Variants in COL5A1 observed in about 807,000 individuals in gnomAD.
COL5A1 encodes collagen alpha-1(V) chain.
Under a neutral mutation model 263.7 loss-of-function variants are expected in COL5A1, and 16 were observed. That is an observed-to-expected ratio of 0.06 (90% CI 0.04 to 0.09). The LOEUF is 0.09. Among genes scored for constraint, COL5A1 ranks in the 10% least tolerant of loss-of-function variants. The pLI is 1.00. For missense variants in COL5A1, 2,036 were observed against 2,540.5 expected (o/e 0.80, Z 4.27); for synonymous variants, 1,012 against 1,004.5 (o/e 1.01, Z -0.14).
At chr9:134,762,812 A>G (rs936925021) in intron 19 of COL5A1, among the ~76,000 whole-genome samples, 2 of 151,682 alleles carry the variant, frequency 1.3e-5, no homozygotes, top group Non-Finnish European at 2.9e-5. Flanking sequence ...GTCTGCTGTA[A>G]GATGAGGAAG....
At position 134,818,781 on chromosome 9, in the gene COL5A1, G is replaced by T; in HGVS notation, c.4338+18G>T. On this transcript the variant is annotated intron_variant, in intron 55 of 65. Coordinates refer to ENST00000371817, the MANE Select transcript of COL5A1 (RefSeq NM_000093.5). The surrounding 1 kb of genome is among the most constrained non-coding windows in gnomAD (Gnocchi z 6.0). ...GCCCTGTGGTGAGTAGGCTGTGAGG[G>T]GCAGAGGGGTTGCCGAGTGGAGGGA... 6.2e-7 allele frequency: 1 copy of T among 1,612,450 alleles called. No homozygotes were observed. Among genetic ancestry groups the T allele is most frequent in the Non-Finnish European group, 8.5e-7 (1 of 1,179,406 alleles).
chr9:134,840,264 G>T (rs1251338731), intron 65 of COL5A1, among the ~76,000 whole-genome samples: 2 of 152,200 alleles, frequency 1.3e-5, no homozygotes, highest in African/African-American at 4.8e-5. Flanking sequence ...TGAGCCAGCT[G>T]CAGTAACAGA....
At chr9:134,731,091 C>G (rs1484227071) in intron 7 of COL5A1, among the ~76,000 whole-genome samples, 1 of 152,226 alleles carries the variant, frequency 6.6e-6, no homozygotes, top group Non-Finnish European at 1.5e-5. Flanking sequence ...TAGCACATGG[C>G]CGATGCTTAA....
intron 4 of COL5A1, among the ~76,000 whole-genome samples, chr9:134,726,893 GGATA>G (rs1403914127): frequency 1.2e-4 from 18 of 151,114 alleles, no homozygotes; most frequent in African/African-American, 4.1e-4. Context: ...GTGAATGGAT[GGATA>G]GATGGATGGA....
In COL5A1 at chr9:134,705,890, A is replaced by G. The variant is rs542489461; in HGVS notation, c.654+4557A>G. 3.3e-5 allele frequency among the ~76,000 whole-genome samples: 5 copies of G among 152,334 alleles called. No homozygotes were observed. The South Asian group carries it at 8.3e-4, about 25-fold the overall frequency. On this transcript the variant is annotated intron_variant, in intron 4 of 65. Coordinates refer to ENST00000371817, the MANE Select transcript of COL5A1 (RefSeq NM_000093.5). ...GGCCTTCAGGAGGATGGAGCCGCTG[A>G]GAGGTCCATGGGGAAAGAACTGGCT...
At chr9:134,736,735 C>G (rs1443489225) in intron 9 of COL5A1, among the ~76,000 whole-genome samples, 1 of 152,250 alleles carries the variant, frequency 6.6e-6, no homozygotes, top group African/African-American at 2.4e-5. Context: ...AATTATCTAT[C>G]TTGAAGCAAA....
intron 14 of COL5A1, among the ~76,000 whole-genome samples, chr9:134,753,584 G>A (rs1360135816): frequency 6.6e-6 from 1 of 152,226 alleles, no homozygotes; most frequent in Non-Finnish European, 1.5e-5. Context: ...AACATCTCCA[G>A]GAGCTTTGTG....
intron 4 of COL5A1, among the ~76,000 whole-genome samples, chr9:134,712,341 C>T (rs1210117584): frequency 1.6e-5 from 1 of 64,324 alleles, no homozygotes; most frequent in Admixed American, 1.5e-4. Flanking sequence ...CTCCCTCCTG[C>T]CCCTCTTCTT....
chr9:134,826,932 A>G (rs1839306012), intron 63 of COL5A1, among the ~76,000 whole-genome samples: 1 of 152,128 alleles, frequency 6.6e-6, no homozygotes, highest in Non-Finnish European at 1.5e-5. Context: ...CTATCCCTCA[A>G]GCATGCACCT....
intron 4 of COL5A1, chr9:134,708,956 C>G (rs1323953199): frequency 2.2e-6 from 1 of 456,678 alleles, no homozygotes. Flanking sequence ...TCCGTCTTTA[C>G]ACAGCCTCTC....
At chr9:134,810,442 G>A (rs1255801155) in intron 44 of COL5A1, 134 bp downstream of exon 44, 20 of 806,666 alleles carry the variant, frequency 2.5e-5, no homozygotes, top group South Asian at 9.8e-5. Context: ...AAAATCTCCC[G>A]TGCATGTGTG....
Position 134,758,528 on chromosome 9 carries a change from G to A in COL5A1, c.1935+232G>A, listed in dbSNP as rs1012023507. Among the ~76,000 whole-genome samples the A allele has an allele frequency of 1.3e-5, 2 of 152,164 alleles. No individual in the cohort carries two copies. The highest frequency in any genetic ancestry group is 2.4e-5 in the African/African-American group (1 of 41,444). On this transcript the variant is annotated intron_variant, in intron 18 of 65. Transcript: ENST00000371817. The surrounding 1 kb of genome is among the most constrained non-coding windows in gnomAD (Gnocchi z 4.1). ...ATTGGAGCTCTTATCTACAGTTTGT[G>A]ACAAGTGAGCCAGATGGGCCTACCC...
intron 4 of COL5A1, among the ~76,000 whole-genome samples, chr9:134,721,095 C>T (rs977587227): frequency 2.6e-5 from 4 of 152,112 alleles, no homozygotes; most frequent in Non-Finnish European, 5.9e-5. Context: ...AGGGAAGATG[C>T]CTCTCTCACC....
chr9:134,728,858 T>C (rs369204715), intron 6 of COL5A1, 51 bp downstream of exon 6: 16 of 1,611,290 alleles, frequency 9.9e-6, no homozygotes, highest in African/African-American at 1.3e-5. Context: ...GAGGCCATGG[T>C]GCAGGGGAGG....
rs1422350396 is a variant in COL5A1, at chr9:134,814,874, T to G, written c.3984T>G (p.Pro1328=). ...CCGGACCCCCTGGACCCAAAGGCCC[T>G]CCCGGAGATGATGGTCCCAAAGGCA... The part of the protein sequence containing the change: ...GAAGPPGPKG[P]PGDDGPKGSP... Residue 1328 remains proline (P), a synonymous_variant, in exon 50 of 66, where the codon CCT becomes CCG. Transcript: ENST00000371817. 6.4e-7 allele frequency: 1 copy of G among 1,550,972 alleles called. No individual in the cohort carries two copies. The highest frequency in any genetic ancestry group is 2.4e-5 in the East Asian group (1 of 40,924).
At chr9:134,712,701 T>G (rs569382676) in intron 4 of COL5A1, among the ~76,000 whole-genome samples, 4 of 141,430 alleles carry the variant, frequency 2.8e-5, no homozygotes, top group African/African-American at 5.2e-5. Flanking sequence ...TGCCCCTGGC[T>G]TTTCTGCTTC....
intron 11 of COL5A1, among the ~76,000 whole-genome samples, chr9:134,749,778 T>G (rs1835708714): frequency 6.6e-6 from 1 of 152,256 alleles, no homozygotes; most frequent in Admixed American, 6.5e-5. Flanking sequence ...TCATCTACTT[T>G]AGGCCAGCTG....
intron 4 of COL5A1, among the ~76,000 whole-genome samples, chr9:134,717,871 T>C (rs1420461044): frequency 6.6e-6 from 1 of 150,964 alleles, no homozygotes; most frequent in East Asian, 1.9e-4. Context: ...GGGGCCTGGG[T>C]GCCAGGCAGT....
At chr9:134,701,432 G>C in intron 4 of COL5A1, 99 bp downstream of exon 4, 1 of 1,203,682 alleles carries the variant, frequency 8.3e-7, no homozygotes, top group Non-Finnish European at 1.2e-6. Flanking sequence ...GCCGGGACCG[G>C]CTGGCGGTCC....
Sources: gnomAD v4.1 joint callset for allele counts (sites outside exome capture counted in the v4.1 genomes callset) on GRCh38, gnomAD v4.1.1 for gene constraint, Gnocchi (gnomAD v3.1) non-coding constraint, MANE v1.5 for transcripts, NCBI Gene and HGNC (gene_info 2026-07-23, HGNC 2026-07-21) for gene names.